The following ADAM19 variants were observed in gnomAD, a reference collection of about 807,000 sequenced individuals.
ADAM19 encodes the protein ADAM metallopeptidase domain 19.
ADAM19 carries 65 observed loss-of-function variants against 114.7 expected under a neutral mutation model. The observed-to-expected ratio is 0.57, with a 90% CI of 0.46 to 0.70. The LOEUF (loss-of-function observed/expected upper bound fraction) is 0.70. Among genes scored for constraint, ADAM19 ranks in the 30% least tolerant of loss-of-function variants. The pLI, the probability that ADAM19 is intolerant of heterozygous loss-of-function variation, is 0.00. For synonymous variants in ADAM19, 466 were observed against 460.5 expected (o/e 1.01, Z -0.15); for missense variants, 1,063 against 1,204.7 (o/e 0.88, Z 1.74).
At chr5:157,488,816 G>T (rs992375784) in intron 20 of ADAM19, among the ~76,000 whole-genome samples, 1 of 152,170 alleles carries the variant, frequency 6.6e-6, no homozygotes, top group Non-Finnish European at 1.5e-5. Flanking sequence ...TGGATCACGA[G>T]GTCAGGAGAT....
At position 157,545,593 on chromosome 5, in the gene ADAM19, C is replaced by T. The variant is rs78172298; in HGVS notation, c.252-7602G>A. 2.0e-5 allele frequency among the ~76,000 whole-genome samples: 3 copies of T among 152,268 alleles called. No homozygotes were observed. In the East Asian group the frequency reaches 5.8e-4, roughly 29 times the overall value. ...GTTAGTGTGTAAGTTACAGAGTCTA[C>T]CGCAATGAAACATTATTTATATACC... On this transcript the variant is annotated intron_variant, in intron 3 of 22. Transcript: ENST00000257527.
intron 12 of ADAM19, among the ~76,000 whole-genome samples, chr5:157,500,437 T>G (rs987842195): frequency 1.3e-5 from 2 of 152,236 alleles, no homozygotes. Flanking sequence ...TATTTCTCCC[T>G]GTAACCATGT....
intron 3 of ADAM19, among the ~76,000 whole-genome samples, chr5:157,551,980 A>G (rs1043491266): frequency 6.6e-5 from 10 of 152,016 alleles, no homozygotes; most frequent in Non-Finnish European, 1.5e-4. Flanking sequence ...CATCTCTACT[A>G]AAAATACAAA....
intron 7 of ADAM19, among the ~76,000 whole-genome samples, chr5:157,518,501 C>T (rs995535276): frequency 5.9e-5 from 9 of 152,228 alleles, no homozygotes; most frequent in Admixed American, 3.3e-4. Context: ...GCTACTGCCA[C>T]AGCCTCCCAA....
At chr5:157,499,050 G>A (rs986390684) in intron 13 of ADAM19, among the ~76,000 whole-genome samples, 2 of 152,132 alleles carry the variant, frequency 1.3e-5, no homozygotes, top group South Asian at 2.1e-4. Context: ...GGGCACCAGA[G>A]TCAGGGAAAG....
At chr5:157,548,903 C>T (rs116298982) in intron 3 of ADAM19, among the ~76,000 whole-genome samples, 4,467 of 152,178 alleles carry the variant, frequency 0.029, 102 homozygotes, top group Non-Finnish European at 0.044. Context: ...AAGAGAAGGC[C>T]GAAAGAGCCT....
intron 5 of ADAM19, among the ~76,000 whole-genome samples, chr5:157,520,695 A>G (rs1177628499): frequency 6.6e-6 from 1 of 152,242 alleles, no homozygotes; most frequent in African/African-American, 2.4e-5. Flanking sequence ...TTGTGCTTGG[A>G]AACCAGAGCT....
At chr5:157,510,330 T>C (rs917174349) in intron 8 of ADAM19, among the ~76,000 whole-genome samples, 36 of 152,180 alleles carry the variant, frequency 2.4e-4, no homozygotes, top group African/African-American at 8.4e-4. Flanking sequence ...CAAAATTAGC[T>C]GGGCGTGGTG....
chr5:157,504,766 G>A (rs1755686213), intron 11 of ADAM19, among the ~76,000 whole-genome samples: 1 of 152,134 alleles, frequency 6.6e-6, no homozygotes, highest in Admixed American at 6.5e-5. Flanking sequence ...CCTGAGTTCA[G>A]ATGCTAGAAG....
At chr5:157,484,067 G>A (rs929545570) in intron 21 of ADAM19, among the ~76,000 whole-genome samples, 3 of 151,782 alleles carry the variant, frequency 2.0e-5, no homozygotes, top group Non-Finnish European at 2.9e-5. Context: ...CACATTTCAT[G>A]GATTCTGTCC....
chr5:157,481,342 T>G, intron 22 of ADAM19: 1 of 575,788 alleles, frequency 1.7e-6, no homozygotes, highest in East Asian at 2.9e-5. Context: ...CTGCCAAGAC[T>G]GGCAAACTGA....
Position 157,517,266 on chromosome 5 carries a change from G to C in ADAM19, c.666+1557C>G, listed in dbSNP as rs187106140. ...AGCTGCCTTAGAATGAGCTCTTTGG[G>C]AAGATGGTAGCTAAACTATGTGGAT... On this transcript the variant is annotated intron_variant, in intron 7 of 22. Coordinates refer to ENST00000257527, the MANE Select transcript of ADAM19 (RefSeq NM_033274.5). 7.9e-5 allele frequency among the ~76,000 whole-genome samples: 12 copies of C among 152,320 alleles called. No individual in the cohort carries two copies. The East Asian group carries it at 2.3e-3, about 29-fold the overall frequency.
intron 6 of ADAM19, among the ~76,000 whole-genome samples, chr5:157,519,540 CT>C (rs1756211269): frequency 6.6e-6 from 1 of 152,184 alleles, no homozygotes; most frequent in African/African-American, 2.4e-5. Context: ...CTGCTTTAGC[CT>C]CCCAAAGTGC....
intron 4 of ADAM19, among the ~76,000 whole-genome samples, chr5:157,531,979 T>G (rs1222580422): frequency 6.6e-6 from 1 of 152,168 alleles, no homozygotes; most frequent in African/African-American, 2.4e-5. Flanking sequence ...AAAGTAAAAT[T>G]CTACTGTTTT....
intron 14 of ADAM19, 114 bp downstream of exon 14, chr5:157,496,780 G>A: frequency 1.2e-6 from 1 of 861,792 alleles, no homozygotes; most frequent in Non-Finnish European, 1.7e-6. Flanking sequence ...GATGAAAGAG[G>A]TAGTATCTAG....
rs762407438 is a variant in ADAM19, at chr5:157,575,588, C to T, written c.94+15G>A. 7.6e-6 allele frequency: 11 copies of T among 1,456,784 alleles called. No individual in the cohort carries two copies. Among genetic ancestry groups the T allele is most frequent in the African/African-American group, 1.5e-5 (1 of 67,764 alleles). 90.2% of individuals were successfully genotyped at this position (1,456,784 alleles called of 1,614,324 possible). A position where few individuals can be genotyped will look rare whatever the true frequency, so the allele number is the denominator to read the frequency against. On this transcript the variant is annotated intron_variant, in intron 1 of 22. Transcript: ENST00000257527. Reference sequence around the variant, plus strand: ...GGGCCACCCAGCCTCCATCCCCCCGCGCCTGGCCACTTACTTGTCCATCCA... The same window carrying T: ...GGGCCACCCAGCCTCCATCCCCCCGTGCCTGGCCACTTACTTGTCCATCCA...
chr5:157,518,954 T>C, intron 6 of ADAM19, 66 bp from the exon 7 acceptor site: 1 of 1,341,784 alleles, frequency 7.5e-7, no homozygotes, highest in Non-Finnish European at 1.1e-6. Flanking sequence ...AAAAAACTGC[T>C]AAGAAACAGA....
chr5:157,477,632 A>G lies in ADAM19; in HGVS notation c.*3317T>C, dbSNP rs1045636638. On this transcript the variant is annotated 3_prime_UTR_variant, in exon 23 of 23. Coordinates refer to ENST00000257527, the MANE Select transcript of ADAM19 (RefSeq NM_033274.5). ...GGGGACCTTTCCAGTTGGCGTTCCC[A>G]TGGCTTTCTTGGGTGTCCAGCAGAG... 29 of 1,285,884 alleles carry G rather than the reference A, an allele frequency of 2.3e-5. 1 individual carries two copies. In the African/African-American group the frequency reaches 4.0e-4, roughly 18 times the overall value. The allele number at this position is 1,285,884 out of a possible 1,614,324, so 79.7% of individuals were successfully genotyped here.
rs199516624 is a variant in ADAM19, at chr5:157,519,850, G to A, written c.589C>T (p.Arg197Ter). ...ALQFTQQTKK[R>*]PRRMKREDLN... is the part of the protein sequence containing the mutation. ...GCCTCAAAACTCACCCTGCGAGGTC[G>A]CTTCTTGGTCTGTTGTGTAAACTGA... The change falls in exon 6 of 23, where the codon CGA becomes TGA. Residue 197 changes from arginine to a stop codon, truncating the protein, a stop_gained. Coordinates refer to ENST00000257527, the MANE Select transcript of ADAM19 (RefSeq NM_033274.5). LOFTEE classifies it high-confidence loss of function. The A allele has an allele frequency of 4.3e-6, 7 of 1,609,976 alleles. No individual in the cohort carries two copies. Among genetic ancestry groups the A allele is most frequent in the Middle Eastern group, 1.7e-4 (1 of 6,050 alleles).
Sources: allele counts gnomAD v4.1 joint callset (sites outside exome capture counted in the v4.1 genomes callset), GRCh38; gene constraint gnomAD v4.1.1; transcripts MANE v1.5; gene names NCBI Gene and HGNC (gene_info 2026-07-23, HGNC 2026-07-21).